Variants in AP2A1 observed in about 807,000 individuals in gnomAD.
AP2A1 encodes the protein adaptor related protein complex 2 subunit alpha 1.
A neutral mutation model predicts 107.3 loss-of-function variants in AP2A1; 21 were observed. The observed-to-expected ratio is 0.20, with a 90% CI of 0.14 to 0.28. The LOEUF is 0.28. Ranked by LOEUF, AP2A1 falls within the 10% of genes least tolerant of loss-of-function variation. The pLI is 1.00. For synonymous variants in AP2A1, 602 were observed against 564.8 expected (o/e 1.07, Z -0.93); for missense variants, 873 against 1,307.7 (o/e 0.67, Z 5.13).
At chr19:49,795,355 C>T (rs909216267) in intron 6 of AP2A1, among the ~76,000 whole-genome samples, 1 of 152,196 alleles carries the variant, frequency 6.6e-6, no homozygotes, top group Non-Finnish European at 1.5e-5. Context: ...CAGATTCCTG[C>T]TTCATAAAAC....
chr19:49,791,328 C>T (rs1017557640), intron 4 of AP2A1, among the ~76,000 whole-genome samples: 3 of 152,168 alleles, frequency 2.0e-5, no homozygotes, highest in Non-Finnish European at 2.9e-5. Context: ...CTCCCAGTCT[C>T]GAGCAATCCT....
intron 4 of AP2A1, among the ~76,000 whole-genome samples, chr19:49,790,094 G>A (rs911427556): frequency 2.0e-5 from 3 of 152,272 alleles, no homozygotes; most frequent in Admixed American, 6.5e-5. Flanking sequence ...TCTGGATGTC[G>A]GAAGTCCAAC....
At position 49,805,742 on chromosome 19, in the gene AP2A1, C is replaced by G. The variant is rs1008546344; in HGVS notation, c.2550C>G (p.Ala850=). 2 of 1,587,022 alleles carry G rather than the reference C, an allele frequency of 1.3e-6. No individual in the cohort carries two copies. The highest frequency in any genetic ancestry group is 1.8e-5 in the Admixed American group (1 of 55,512). ...TCTTCCAGCCCACCGAGATGGCGGCCCAGGATTTCTTCCAGCGCTGGAAGC... is the reference window on the plus strand; with the variant it reads ...TCTTCCAGCCCACCGAGATGGCGGCGCAGGATTTCTTCCAGCGCTGGAAGC... The part of the protein sequence containing the change: ...NKFFQPTEMA[A]QDFFQRWKQL... The change falls in exon 20 of 23, where the codon GCC becomes GCG. Residue 850 remains alanine (A), a synonymous_variant. Transcript: ENST00000354293.
At chr19:49,783,343 T>C (rs1306564040) in intron 4 of AP2A1, among the ~76,000 whole-genome samples, 1 of 152,006 alleles carries the variant, frequency 6.6e-6, no homozygotes, top group African/African-American at 2.4e-5. Context: ...TACCAAAAAT[T>C]GCCAGGGCAT....
chr19:49,801,129 G>T, intron 12 of AP2A1, 71 bp downstream of exon 12: 1 of 1,415,570 alleles, frequency 7.1e-7, no homozygotes, highest in Non-Finnish European at 9.6e-7. Flanking sequence ...GGGATCCCCA[G>T]GGGTCTCAGG....
intron 15 of AP2A1, chr19:49,802,512 G>A: frequency 1.2e-6 from 2 of 1,604,428 alleles, no homozygotes; most frequent in Non-Finnish European, 1.7e-6. Flanking sequence ...TCTCTTGTCT[G>A]CTCTGGGATT....
At chr19:49,792,125 C>T in intron 5 of AP2A1, 61 bp downstream of exon 5, 1 of 1,569,396 alleles carries the variant, frequency 6.4e-7, no homozygotes, top group Non-Finnish European at 8.7e-7. Context: ...CCTGACCCCC[C>T]TGGATGCCCG....
intron 1 of AP2A1, among the ~76,000 whole-genome samples, chr19:49,778,724 G>A (rs1178707026): frequency 6.6e-6 from 1 of 152,048 alleles, no homozygotes; most frequent in Non-Finnish European, 1.5e-5. Context: ...CAGTGTGTGC[G>A]GTTTGTTGCT....
intron 15 of AP2A1, 187 bp downstream of exon 15, chr19:49,802,328 G>A (rs1165501729): frequency 2.4e-6 from 2 of 822,344 alleles, no homozygotes; most frequent in Admixed American, 4.0e-5. Context: ...CCCTCCCTCT[G>A]CCACTCTGGA....
intron 15 of AP2A1, chr19:49,802,675 G>T (rs1297528143): frequency 2.2e-5 from 30 of 1,376,480 alleles, no homozygotes; most frequent in Admixed American, 5.0e-5. Flanking sequence ...AGGGGACTGG[G>T]AGCCCTCGTC....
At chr19:49,782,875 C>T (rs1341757222) in intron 4 of AP2A1, among the ~76,000 whole-genome samples, 151 bp downstream of exon 4, 1 of 152,166 alleles carries the variant, frequency 6.6e-6, no homozygotes, top group Admixed American at 6.5e-5. Context: ...GTTCCGGTGG[C>T]AGCCCCATAC....
At chr19:49,787,349 TTTTTG>T (rs1481115673) in intron 4 of AP2A1, among the ~76,000 whole-genome samples, 3 of 116,398 alleles carry the variant, frequency 2.6e-5, no homozygotes, top group East Asian at 2.7e-4. Flanking sequence ...TTTTTTTTGT[TTTTTG>T]TTTTTTTTTT....
chr19:49,772,270 T>C (rs1383123084), intron 1 of AP2A1, among the ~76,000 whole-genome samples: 2 of 136,770 alleles, frequency 1.5e-5, no homozygotes, highest in Non-Finnish European at 3.2e-5. Flanking sequence ...TTTTTTTTTT[T>C]TTTTTTTGAG....
Position 49,767,052 on chromosome 19 carries a change from C to T in AP2A1, c.-82C>T. ...TCGGCTCCTTGGCGCTGCCTGGGGT[C>T]CTTTCCGCCCGGTCCCCGCTTGCCA... On this transcript the variant is annotated 5_prime_UTR_variant, in exon 1 of 23. Transcript: ENST00000354293. 1.4e-6 allele frequency: 2 copies of T among 1,448,308 alleles called. No homozygotes were observed. Among genetic ancestry groups the T allele is most frequent in the Non-Finnish European group, 1.8e-6 (2 of 1,087,412 alleles). The allele number at this position is 1,448,308 out of a possible 1,614,324, so 89.7% of individuals were successfully genotyped here. A position where few individuals can be genotyped will look rare whatever the true frequency, so the allele number is the denominator to read the frequency against.
intron 1 of AP2A1, among the ~76,000 whole-genome samples, chr19:49,767,620 C>T (rs2084516657): frequency 6.6e-6 from 1 of 151,694 alleles, no homozygotes; most frequent in Admixed American, 6.6e-5. Context: ...CCAGAGGGGA[C>T]CTGGAGGAAG....
At chr19:49,799,271 C>T in intron 8 of AP2A1, 56 bp from the exon 9 acceptor site, 3 of 1,576,638 alleles carry the variant, frequency 1.9e-6, no homozygotes, top group Non-Finnish European at 2.6e-6. Context: ...CCCGAGTCCT[C>T]CACCTTCTCC....
Position 49,782,020 on chromosome 19 carries a change from T to G in AP2A1, c.210T>G (p.His70Gln). The G allele has an allele frequency of 6.2e-7, 1 of 1,601,178 alleles. No individual in the cohort carries two copies. Among genetic ancestry groups the G allele is most frequent in the Non-Finnish European group, 8.5e-7 (1 of 1,173,548 alleles). The change falls in exon 3 of 23, where the codon CAT (histidine) becomes CAG (glutamine). Residue 70 changes from histidine to glutamine, a missense_variant. His to Gln is a conservative substitution (Grantham distance 24). Around this residue, in one of 4 missense-constraint regions of AP2A1, gnomAD observed 87 missense variants for 178.2 expected, o/e 0.49. Coordinates refer to ENST00000354293, the MANE Select transcript of AP2A1 (RefSeq NM_130787.3). ...CKLLFIFLLG[H>Q]DIDFGHMEAV... ...TGCTTTTCATCTTCCTGCTTGGCCATGACATTGACTTTGGGCACATGGAGG... is the reference window on the plus strand; with the variant it reads ...TGCTTTTCATCTTCCTGCTTGGCCAGGACATTGACTTTGGGCACATGGAGG...
intron 18 of AP2A1, chr19:49,805,148 T>C: frequency 2.8e-6 from 1 of 352,300 alleles, no homozygotes. Context: ...GGTTAAGTGG[T>C]TGCCCACAGC....
chr19:49,805,176 G>A (rs2073347345), intron 18 of AP2A1: 2 of 403,230 alleles, frequency 5.0e-6, no homozygotes, highest in Non-Finnish European at 8.8e-6. Context: ...GTGGTTAAGA[G>A]CTGGGATTCA....
Sources: allele counts gnomAD v4.1 joint callset (sites outside exome capture counted in the v4.1 genomes callset), GRCh38; gene constraint gnomAD v4.1.1; regional missense constraint gnomAD v4.1.1; transcripts MANE v1.5; gene names NCBI Gene and HGNC (gene_info 2026-07-23, HGNC 2026-07-21).